The following MARCHF10 variants were observed in gnomAD, a reference collection of about 807,000 sequenced individuals.
The protein encoded by MARCHF10 is probable E3 ubiquitin-protein ligase MARCHF10.
MARCHF10 carries 64 observed loss-of-function variants against 76.2 expected under a neutral mutation model. That is an observed-to-expected ratio of 0.84 (90% CI 0.69 to 1.03). MARCHF10 has a LOEUF of 1.03. MARCHF10 is among the 50% of genes least tolerant of loss of function. The probability of loss-of-function intolerance (pLI) is 0.00; values close to 1 mark genes in which losing one functional copy is unlikely to be tolerated. For synonymous variants in MARCHF10, 340 were observed against 357.5 expected, an observed-to-expected ratio of 0.95 and a Z score of 0.55; for missense variants, 875 against 958.0, an observed-to-expected ratio of 0.91 and a Z score of 1.14.
rs57082084 is a variant in MARCHF10 at position 62,765,351 on chromosome 17, C to CAA, written c.211-5347_211-5346dup. The stretch of plus-strand genomic sequence containing the variant: ...TGGGCAACAGAGCAGGACTCTGTCT[C>CAA]AAAAAAAAAAAAAAAAAAAAAAAAA... On this transcript the variant is annotated intron_variant, in intron 3 of 10. Coordinates refer to ENST00000311269, the MANE Select transcript of MARCHF10 (RefSeq NM_152598.4). Among the ~76,000 whole-genome samples, 258 of 73,588 alleles carry CAA rather than the reference C, an allele frequency of 3.5e-3. 5 individuals are homozygous for CAA. The highest frequency in any genetic ancestry group is 0.012 in the African/African-American group (213 of 17,074). The allele number at this position is 73,588 out of a possible 152,430, so 48.3% of individuals were successfully genotyped here. A position where few individuals can be genotyped will look rare whatever the true frequency, so the allele number is the denominator to read the frequency against.
intron 3 of MARCHF10, among the ~76,000 whole-genome samples, chr17:62,769,773 T>C (rs1313464539): frequency 6.6e-6 from 1 of 152,234 alleles, no homozygotes; most frequent in East Asian, 1.9e-4. Flanking sequence ...AGTATTTTCT[T>C]CCCCTTCCCC....
At chr17:62,790,666 C>T (rs375146930) in intron 2 of MARCHF10, among the ~76,000 whole-genome samples, 6 of 152,204 alleles carry the variant, frequency 3.9e-5, no homozygotes, top group Admixed American at 1.3e-4. Flanking sequence ...TCCTTCAGCA[C>T]GTTTCACGCC....
At chr17:62,773,365 T>C (rs1034582896) in intron 3 of MARCHF10, among the ~76,000 whole-genome samples, 8 of 152,188 alleles carry the variant, frequency 5.3e-5, no homozygotes, top group Non-Finnish European at 7.3e-5. Flanking sequence ...AGTCATTTGC[T>C]GAAGAGCCAT....
intron 4 of MARCHF10, among the ~76,000 whole-genome samples, chr17:62,753,547 C>T (rs969913186): frequency 1.3e-5 from 2 of 152,236 alleles, no homozygotes; most frequent in African/African-American, 4.8e-5. Flanking sequence ...GTTTCTGCTA[C>T]TTGCCTGGGG....
intron 1 of MARCHF10, among the ~76,000 whole-genome samples, chr17:62,803,497 G>A (rs1403003957): frequency 6.6e-6 from 1 of 151,990 alleles, no homozygotes; most frequent in Admixed American, 6.6e-5. Flanking sequence ...GGACAGTGGG[G>A]AGGGAGAGGG....
chr17:62,745,482 T>C (rs2091671554), intron 4 of MARCHF10, among the ~76,000 whole-genome samples: 1 of 152,196 alleles, frequency 6.6e-6, no homozygotes, highest in South Asian at 2.1e-4. Flanking sequence ...CCTTCTACAG[T>C]TGGGACACGC....
At chr17:62,805,917 ATAAT>A (rs1297020113) in intron 1 of MARCHF10, among the ~76,000 whole-genome samples, 4 of 145,850 alleles carry the variant, frequency 2.7e-5, no homozygotes, top group Non-Finnish European at 4.5e-5. Context: ...ATAAAAAAAA[ATAAT>A]AATAATAATA....
chr17:62,761,284 C>T (rs567729405), intron 3 of MARCHF10, among the ~76,000 whole-genome samples: 4 of 152,326 alleles, frequency 2.6e-5, no homozygotes, highest in South Asian at 2.1e-4. Context: ...AGACCACCCT[C>T]AGATAAAAGA....
intron 3 of MARCHF10, among the ~76,000 whole-genome samples, chr17:62,784,452 G>C (rs1247434796): frequency 6.6e-6 from 1 of 152,150 alleles, no homozygotes; most frequent in Non-Finnish European, 1.5e-5. Flanking sequence ...CATTCCCTTT[G>C]AAAACTGGCA....
At chr17:62,792,130 C>G (rs1453517855) in intron 2 of MARCHF10, among the ~76,000 whole-genome samples, 3 of 151,902 alleles carry the variant, frequency 2.0e-5, no homozygotes, top group South Asian at 2.1e-4. Flanking sequence ...GTTGACCCCC[C>G]ACCCCCCTAG....
intron 3 of MARCHF10, among the ~76,000 whole-genome samples, chr17:62,768,435 G>A (rs978920373): frequency 2.0e-5 from 3 of 152,124 alleles, no homozygotes; most frequent in Admixed American, 6.5e-5. Context: ...CAGGAGAATC[G>A]CTTGAACCTG....
chr17:62,715,843 T>C (rs1302195632), intron 8 of MARCHF10, among the ~76,000 whole-genome samples: 2 of 152,196 alleles, frequency 1.3e-5, no homozygotes, highest in East Asian at 3.9e-4. Context: ...TTAGCACCTG[T>C]GAGCAGCATC....
In MARCHF10 at chr17:62,738,707, A is replaced by G. The variant is rs1055129754; in HGVS notation, c.536-1375T>C. On this transcript the variant is annotated intron_variant, in intron 5 of 10. Transcript: ENST00000311269. The surrounding 1 kb of genome is among the most constrained non-coding windows in gnomAD (Gnocchi z 4.0). ...CAGGGGGACACCAGTGTGAGTCTCT[A>G]ATGTCCTAACACTCGGGCAGCTTCT... is the stretch of plus-strand genomic sequence containing the variant. Among the ~76,000 whole-genome samples, 6 of 152,160 alleles carry G rather than the reference A, an allele frequency of 3.9e-5. No homozygotes were observed. The highest frequency in any genetic ancestry group is 1.5e-5 in the Non-Finnish European group (1 of 68,032).
chr17:62,750,951 C>T (rs1225905265), intron 4 of MARCHF10, among the ~76,000 whole-genome samples: 1 of 152,202 alleles, frequency 6.6e-6, no homozygotes, highest in Non-Finnish European at 1.5e-5. Flanking sequence ...CCTCCAGCTG[C>T]CCCCGCTAGC....
chr17:62,719,576 T>C (rs1298544688), intron 8 of MARCHF10, among the ~76,000 whole-genome samples: 1 of 151,812 alleles, frequency 6.6e-6, no homozygotes, highest in Non-Finnish European at 1.5e-5. Context: ...TTATCTTTGA[T>C]TTTTTTTTCC....
intron 3 of MARCHF10, among the ~76,000 whole-genome samples, chr17:62,778,023 T>C (rs2092585524): frequency 1.3e-5 from 2 of 152,216 alleles, no homozygotes; most frequent in South Asian, 4.1e-4. Flanking sequence ...TGCTAGGCAT[T>C]GGAAATATAA....
Position 62,736,618 on chromosome 17 carries a change from G to A in MARCHF10, c.1250C>T (p.Ala417Val). 6.2e-7 allele frequency: 1 copy of A among 1,614,148 alleles called. No individual in the cohort carries two copies. Among genetic ancestry groups the A allele is most frequent in the South Asian group, 1.1e-5 (1 of 91,076 alleles). Residue 417 changes from alanine to valine, a missense_variant, in exon 6 of 11, where the codon GCT (alanine) becomes GTT (valine). By Grantham distance (64) the Ala-to-Val change is moderately conservative. Transcript: ENST00000311269. ...SEPRQEVGVN[A>V]ENVWSDCISV... ...AATACAATCACTCCATACATTTTCA[G>A]CATTGACACCAACCTCTTGTCTGGG...
chr17:62,704,873 T>G (rs764089366), intron 10 of MARCHF10: 2 of 946,952 alleles, frequency 2.1e-6, no homozygotes, highest in Non-Finnish European at 1.3e-6. Flanking sequence ...GTGTTGATTC[T>G]GCCTCCTGAT....
At chr17:62,768,723 A>G (rs1370365035) in intron 3 of MARCHF10, among the ~76,000 whole-genome samples, 2 of 152,184 alleles carry the variant, frequency 1.3e-5, no homozygotes, top group East Asian at 3.9e-4. Flanking sequence ...CATTTTCAAA[A>G]TGACCACACT....
Sources: allele counts gnomAD v4.1 joint callset (sites outside exome capture counted in the v4.1 genomes callset), GRCh38; gene constraint gnomAD v4.1.1; non-coding constraint Gnocchi (gnomAD v3.1); transcripts MANE v1.5; gene names NCBI Gene and HGNC (gene_info 2026-07-23, HGNC 2026-07-21).